DIAPH3: variants seen among roughly 807,000 people sequenced by gnomAD.
DIAPH3 encodes the protein protein diaphanous homolog 3.
Under a neutral mutation model 144.3 loss-of-function variants are expected in DIAPH3, and 117 were observed. The observed-to-expected ratio is 0.81, with a 90% CI of 0.70 to 0.95. The LOEUF (loss-of-function observed/expected upper bound fraction) is 0.95. Ranked by LOEUF, DIAPH3 falls within the 40% of genes least tolerant of loss-of-function variation. DIAPH3 has a pLI of 0.00. For missense variants in DIAPH3, 1,421 were observed against 1,412.7 expected (o/e 1.01, Z -0.09); for synonymous variants, 519 against 488.9 (o/e 1.06, Z -0.81).
chr13:59,890,567 T>A (rs1172975884), intron 20 of DIAPH3, among the ~76,000 whole-genome samples: 1 of 151,898 alleles, frequency 6.6e-6, no homozygotes. Context: ...CTTTTTACTA[T>A]AATTTCCGTT....
At chr13:59,823,399 G>C (rs1182511318) in intron 24 of DIAPH3, among the ~76,000 whole-genome samples, 1 of 152,138 alleles carries the variant, frequency 6.6e-6, no homozygotes, top group South Asian at 2.1e-4. Context: ...CAGTCTTATA[G>C]TTAGCATATT....
chr13:59,725,982 T>G (rs923321640), intron 27 of DIAPH3, among the ~76,000 whole-genome samples: 1 of 152,206 alleles, frequency 6.6e-6, no homozygotes, highest in Non-Finnish European at 1.5e-5. Context: ...TATAATTACT[T>G]ATTAAAATTC....
chr13:59,781,826 T>G (rs1328754214), intron 25 of DIAPH3, among the ~76,000 whole-genome samples: 1 of 152,190 alleles, frequency 6.6e-6, no homozygotes, highest in Non-Finnish European at 1.5e-5. Context: ...AGGTAGGGTC[T>G]TTATGAGGTG....
At chr13:60,127,388 G>C (rs1566802229) in intron 2 of DIAPH3, among the ~76,000 whole-genome samples, 1 of 151,640 alleles carries the variant, frequency 6.6e-6, no homozygotes, top group Admixed American at 6.6e-5. Context: ...ACAAGAAAAT[G>C]TTAAATAAGC....
chr13:59,839,541 T>C (rs1461270656), intron 22 of DIAPH3, 93 bp from the exon 23 acceptor site: 1 of 1,182,750 alleles, frequency 8.5e-7, no homozygotes, highest in East Asian at 2.6e-5. Flanking sequence ...TGAAAACAAC[T>C]CACAATAATG....
intron 3 of DIAPH3, among the ~76,000 whole-genome samples, chr13:60,095,458 GTTA>G (rs2058079448): frequency 6.6e-6 from 1 of 151,914 alleles, no homozygotes; most frequent in African/African-American, 2.4e-5. Flanking sequence ...TAAGGGGTGG[GTTA>G]TTTAGAATTT....
chr13:59,789,051 C>T (rs977525059), intron 25 of DIAPH3, among the ~76,000 whole-genome samples: 4 of 152,162 alleles, frequency 2.6e-5, no homozygotes, highest in African/African-American at 9.7e-5. Flanking sequence ...AAAAAGAATG[C>T]TACCACAGTC....
At chr13:59,866,514 C>G (rs1406186817) in intron 21 of DIAPH3, among the ~76,000 whole-genome samples, 1 of 152,014 alleles carries the variant, frequency 6.6e-6, no homozygotes, top group East Asian at 1.9e-4. Context: ...TAATTCTAGC[C>G]TGGAAAGCAT....
intron 4 of DIAPH3, among the ~76,000 whole-genome samples, chr13:60,058,357 T>C (rs1385395669): frequency 2.0e-5 from 3 of 151,982 alleles, no homozygotes; most frequent in Non-Finnish European, 2.9e-5. Context: ...ATTACTCAGC[T>C]AGAATGATCG....
intron 27 of DIAPH3, among the ~76,000 whole-genome samples, chr13:59,762,029 A>G (rs1252955089): frequency 7.1e-6 from 1 of 141,388 alleles, no homozygotes; most frequent in Non-Finnish European, 1.5e-5. Context: ...AGAACAGAGC[A>G]CCCAAGATGA....
chr13:60,073,913 A>G (rs1418434928), intron 4 of DIAPH3, among the ~76,000 whole-genome samples: 1 of 152,238 alleles, frequency 6.6e-6, no homozygotes, highest in African/African-American at 2.4e-5. Context: ...CCATGTTATC[A>G]GGCCATCTGC....
chr13:59,814,221 G>A (rs972519312), intron 24 of DIAPH3, among the ~76,000 whole-genome samples: 1 of 152,058 alleles, frequency 6.6e-6, no homozygotes, highest in African/African-American at 2.4e-5. Flanking sequence ...AGATATAATT[G>A]CCACACCCTT....
At chr13:59,861,921 C>T (rs2043616340) in intron 21 of DIAPH3, among the ~76,000 whole-genome samples, 1 of 152,174 alleles carries the variant, frequency 6.6e-6, no homozygotes, top group South Asian at 2.1e-4. Context: ...AGTTGGAGAC[C>T]TAACAACAAA....
At chr13:59,893,005 T>A (rs754230317) in intron 20 of DIAPH3, among the ~76,000 whole-genome samples, 1 of 152,104 alleles carries the variant, frequency 6.6e-6, no homozygotes, top group Non-Finnish European at 1.5e-5. Context: ...ATTAGAGTAT[T>A]TGAAGTTTGT....
At chr13:59,843,091 C>T (rs1372148901) in intron 22 of DIAPH3, among the ~76,000 whole-genome samples, 1 of 152,160 alleles carries the variant, frequency 6.6e-6, no homozygotes, top group Non-Finnish European at 1.5e-5. Context: ...AGTCTTCATC[C>T]TGAAGCTATA....
intron 17 of DIAPH3, among the ~76,000 whole-genome samples, chr13:59,969,396 G>T (rs2050228870): frequency 6.6e-6 from 1 of 151,680 alleles, no homozygotes; most frequent in Non-Finnish European, 1.5e-5. Flanking sequence ...AATTTTTTTT[G>T]GATTATACTT....
At chr13:59,896,591 G>A (rs759855744) in intron 20 of DIAPH3, among the ~76,000 whole-genome samples, 3 of 151,824 alleles carry the variant, frequency 2.0e-5, no homozygotes, top group Admixed American at 6.6e-5. Flanking sequence ...TGGGGGAGGC[G>A]GGGGTGGAGG....
At chr13:60,127,817 T>A (rs1025572924) in intron 2 of DIAPH3, among the ~76,000 whole-genome samples, 4 of 152,134 alleles carry the variant, frequency 2.6e-5, no homozygotes, top group Admixed American at 2.0e-4. Context: ...CTCATTATTG[T>A]ATATATTTCT....
At chr13:59,948,886 AAGGAAGGAAGGAAGGAAGG>A (rs2048946308) in intron 17 of DIAPH3, among the ~76,000 whole-genome samples, 3 of 148,714 alleles carry the variant, frequency 2.0e-5, no homozygotes, top group Non-Finnish European at 4.5e-5. Flanking sequence ...GGAAGGAAGG[AAGGAAGGAAGGAAGGAAGG>A]AAACTTCAAC....
Sources: allele counts gnomAD v4.1 joint callset (sites outside exome capture counted in the v4.1 genomes callset), GRCh38; gene constraint gnomAD v4.1.1; transcripts MANE v1.5; gene names NCBI Gene and HGNC (gene_info 2026-07-23, HGNC 2026-07-21).